The following GIT1 variants were observed in gnomAD, a reference collection of about 807,000 sequenced individuals.
GIT1 encodes GIT ArfGAP 1, also known as ARF GTPase-activating protein GIT1.
GIT1 carries 14 observed loss-of-function variants against 91.7 expected under a neutral mutation model. The ratio of observed to expected loss-of-function variants is 0.15; its 90% CI spans 0.10 to 0.24. The LOEUF is 0.24. GIT1 is among the 10% of genes least tolerant of loss of function. The pLI is 1.00. For synonymous variants in GIT1, 414 were observed against 418.2 expected (o/e 0.99, Z 0.12); for missense variants, 717 against 1,024.9 (o/e 0.70, Z 4.10).
In GIT1 at chr17:29,576,610, T is replaced by C. The variant is rs753036623; in HGVS notation, c.1292A>G (p.Lys431Arg). 1.2e-6 allele frequency: 2 copies of C among 1,613,920 alleles called. No homozygotes were observed. Among genetic ancestry groups the C allele is most frequent in the East Asian group, 4.5e-5 (2 of 44,892 alleles). ...VTLQEYLELK[K>R]ALATSEAKVQ... The stretch of plus-strand genomic sequence containing the variant: ...CTTTGCCTCCGATGTAGCCAGGGCC[T>C]TCTTCAGCTCCAGGTACTCCTGCAG... The change falls in exon 13 of 20, where the codon AAG (lysine) becomes AGG (arginine). Residue 431 changes from lysine (K) to arginine (R), a missense_variant. By Grantham distance (26) the Lys-to-Arg change is conservative. This residue lies in a region of GIT1 where 312 missense variants were observed against 349.5 expected (regional missense o/e 0.89). Transcript: ENST00000225394.
chr17:29,584,392 C>G (rs899258798), intron 1 of GIT1, among the ~76,000 whole-genome samples: 1 of 152,252 alleles, frequency 6.6e-6, no homozygotes, highest in African/African-American at 2.4e-5. Flanking sequence ...TTGCTGCTGT[C>G]CCTCTGCCTC....
chr17:29,576,233 G>A lies in GIT1; in HGVS notation c.1598C>T (p.Pro533Leu), dbSNP rs752228476. ...PGDELTTRLQ[P>L]FHSTELEDDA... ...TAGGTGACTCACAGTGCTGTGGAAAGGCTGCAGCCGCGTAGTGAGCTCGTC... is the reference window on the plus strand; with the variant it reads ...TAGGTGACTCACAGTGCTGTGGAAAAGCTGCAGCCGCGTAGTGAGCTCGTC... Residue 533 changes from proline (P) to leucine (L), a missense_variant, in exon 14 of 20, where the codon CCT (proline) becomes CTT (leucine). Transcript: ENST00000225394. 3 of 1,608,092 alleles carry A rather than the reference G, an allele frequency of 1.9e-6. No individual in the cohort carries two copies. The Admixed American group carries it at 5.0e-5, about 27-fold the overall frequency.
At chr17:29,582,652 G>A (rs2033441530) in intron 4 of GIT1, 46 bp downstream of exon 4, 2 of 1,287,528 alleles carry the variant, frequency 1.6e-6, no homozygotes, top group Non-Finnish European at 2.3e-6. Flanking sequence ...GTCGTGGATG[G>A]GAAGAAGAGG....
In GIT1 at chr17:29,589,201, G is replaced by C. The variant is rs1185194835; in HGVS notation, c.52+126C>G. On this transcript the variant is annotated intron_variant, in intron 1 of 19. Transcript: ENST00000225394. This position sits in a 1 kb window ranked among gnomAD's most constrained non-coding sequence, Gnocchi z 5.2. ...CCGCAGTGGCCGAGGCGGGGGCCCA[G>C]CCTGGAGGCCGCAGCCCCCCGCCCC... 1 of 275,286 alleles carries C rather than the reference G, an allele frequency of 3.6e-6. No homozygotes were observed. Among genetic ancestry groups the C allele is most frequent in the Non-Finnish European group, 5.6e-6 (1 of 179,760 alleles). 17.1% of individuals were successfully genotyped at this position (275,286 alleles called of 1,614,324 possible). A position where few individuals can be genotyped will look rare whatever the true frequency, so the allele number is the denominator to read the frequency against.
rs762446004 is a variant in GIT1 at position 29,576,356 on chromosome 17, G to A, written c.1475C>T (p.Pro492Leu). ...GTGTGTGCTCCCGCCTGGCGCCATG[G>A]GTGTGTGTTCCGCCCGTTCACTGGG... ...PLPSERAEHTPMAPGGSTHRR... is the reference protein window; with the variant it reads ...PLPSERAEHTLMAPGGSTHRR... Residue 492 changes from proline to leucine, a missense_variant, in exon 14 of 20, where the codon CCC (proline) becomes CTC (leucine). Transcript: ENST00000225394. The A allele has an allele frequency of 1.2e-6, 2 of 1,613,442 alleles. No individual in the cohort carries two copies. The highest frequency in any genetic ancestry group is 1.7e-6 in the Non-Finnish European group (2 of 1,179,974).
intron 1 of GIT1, among the ~76,000 whole-genome samples, chr17:29,585,059 C>G (rs1323961616): frequency 1.4e-5 from 2 of 145,292 alleles, no homozygotes; most frequent in Non-Finnish European, 3.0e-5. Flanking sequence ...CCAATCAGGG[C>G]AACAGAGGGA....
intron 1 of GIT1, chr17:29,583,948 C>T (rs1016495986): frequency 5.8e-6 from 2 of 342,366 alleles, no homozygotes; most frequent in Admixed American, 8.8e-5. Flanking sequence ...GAGGTCTCTG[C>T]CCCAGCCCGT....
Position 29,580,513 on chromosome 17 carries a change from T to C in GIT1, c.761+825A>G, listed in dbSNP as rs1598572081. Among the ~76,000 whole-genome samples, 4 of 152,304 alleles carry C rather than the reference T, an allele frequency of 2.6e-5. No homozygotes were observed. In the South Asian group the frequency reaches 6.2e-4, roughly 24 times the overall value. On this transcript the variant is annotated intron_variant, in intron 7 of 19. Coordinates refer to ENST00000225394, the MANE Select transcript of GIT1 (RefSeq NM_014030.4). ...CCAGGTGGCACCAGCATCCATCTTA[T>C]GTGCTGGGTGAGTGGCAGGGGGTGT...
At position 29,581,773 on chromosome 17, in the gene GIT1, C is replaced by T; in HGVS notation, c.687G>A (p.Arg229=). Residue 229 remains arginine (R), a synonymous_variant, in exon 6 of 20, where the codon CGG becomes CGA. Transcript: ENST00000225394. The surrounding 1 kb of genome is among the most constrained non-coding windows in gnomAD (Gnocchi z 4.8). ...TGCGTCCACAGAGGTAGAAGGCCAG[C>T]CGGTCAGTGAGCTCATATTGGCACT... is the stretch of plus-strand genomic sequence containing the variant. The part of the protein sequence containing the change: ...LVECQYELTD[R]LAFYLCGRKP... 6.2e-7 allele frequency: 1 copy of T among 1,611,868 alleles called. No individual in the cohort carries two copies.
In GIT1 at chr17:29,575,523, G is replaced by C; in HGVS notation, c.1827-53C>G. On this transcript the variant is annotated intron_variant, in intron 17 of 19. Coordinates refer to ENST00000225394, the MANE Select transcript of GIT1 (RefSeq NM_014030.4). This position sits in a 1 kb window ranked among gnomAD's most constrained non-coding sequence, Gnocchi z 5.5. ...CAAAGATACATATAGAGAAAGACAC[G>C]TTCCAGCCTCGGAGCCGCCCGCCTT... The C allele has an allele frequency of 2.5e-6, 4 of 1,568,922 alleles. No individual in the cohort carries two copies. The highest frequency in any genetic ancestry group is 2.6e-6 in the Non-Finnish European group (3 of 1,150,336).
chr17:29,582,684 A>T lies in GIT1; in HGVS notation c.405+14T>A. ...GAGGAGGGGGCCACCCATCTGTTGT[A>T]GGGCCCCTCAAACCTTGCTGAGGTC... On this transcript the variant is annotated intron_variant, in intron 4 of 19. Coordinates refer to ENST00000225394, the MANE Select transcript of GIT1 (RefSeq NM_014030.4). 6.5e-7 allele frequency: 1 copy of T among 1,542,910 alleles called. No homozygotes were observed. The highest frequency in any genetic ancestry group is 2.2e-5 in the East Asian group (1 of 44,558).
intron 9 of GIT1, 107 bp downstream of exon 9, chr17:29,578,192 G>T: frequency 2.2e-6 from 2 of 922,422 alleles, no homozygotes; most frequent in Non-Finnish European, 1.8e-6. Context: ...GCAGGCCTCT[G>T]AGCAGCCCCA....
At position 29,582,022 on chromosome 17, in the gene GIT1, C is replaced by G; in HGVS notation, c.528G>C (p.Lys176Asn). 6.2e-7 allele frequency: 1 copy of G among 1,612,548 alleles called. No individual in the cohort carries two copies. Among genetic ancestry groups the G allele is most frequent in the Non-Finnish European group, 8.5e-7 (1 of 1,180,040 alleles). ...KGTTPLHVAAKAGQTLQAELL... is the reference protein window; with the variant it reads ...KGTTPLHVAANAGQTLQAELL... Reference sequence around the variant, plus strand: ...GCTCGGCCTGCAGTGTCTGTCCTGCCTTGGCAGCCACGTGCAGAGGTGTGG... The same window carrying G: ...GCTCGGCCTGCAGTGTCTGTCCTGCGTTGGCAGCCACGTGCAGAGGTGTGG... The change falls in exon 5 of 20, where the codon AAG becomes AAC. Residue 176 changes from lysine to asparagine, a missense_variant. Physicochemically the swap from Lys to Asn is moderately conservative, Grantham distance 94. Transcript: ENST00000225394.
chr17:29,580,705 T>G (rs985879607), intron 7 of GIT1, among the ~76,000 whole-genome samples: 1 of 151,674 alleles, frequency 6.6e-6, no homozygotes, highest in African/African-American at 2.4e-5. Flanking sequence ...CTAAAGACAG[T>G]GGGGTCGGTG....
chr17:29,574,671 T>TA lies in GIT1; in HGVS notation c.*30dup. 6.5e-7 allele frequency: 1 copy of TA among 1,546,838 alleles called. No individual in the cohort carries two copies. The highest frequency in any genetic ancestry group is 8.9e-7 in the Non-Finnish European group (1 of 1,120,762). On this transcript the variant is annotated 3_prime_UTR_variant, in exon 20 of 20. Transcript: ENST00000225394. ...CCAGCTCCTATGGCCAGTGAGGTCC[T>TA]AGGGTGCAGGTGAGGGTGTGGGGAG...
intron 7 of GIT1, 101 bp from the exon 8 acceptor site, chr17:29,578,880 A>G: frequency 6.4e-7 from 1 of 1,557,866 alleles, no homozygotes; most frequent in Middle Eastern, 1.7e-4. Flanking sequence ...TCCCGGGGAG[A>G]TGGCACCCCA....
intron 1 of GIT1, among the ~76,000 whole-genome samples, chr17:29,588,951 A>G (rs1167865353): frequency 6.6e-6 from 1 of 150,808 alleles, no homozygotes; most frequent in Admixed American, 6.6e-5. Flanking sequence ...ATAAAACCAC[A>G]CTCGCCCCCA....
intron 1 of GIT1, among the ~76,000 whole-genome samples, chr17:29,587,522 A>G (rs569607711): frequency 6.6e-6 from 1 of 152,286 alleles, no homozygotes; most frequent in South Asian, 2.1e-4. Context: ...AATCCAACAC[A>G]TCTGATGCCC....
chr17:29,587,640 C>A (rs2033631532), intron 1 of GIT1, among the ~76,000 whole-genome samples: 1 of 152,208 alleles, frequency 6.6e-6, no homozygotes, highest in Non-Finnish European at 1.5e-5. Context: ...CCCTCCACCC[C>A]AGAATCAGAC....
Sources: gnomAD v4.1 joint callset for allele counts (sites outside exome capture counted in the v4.1 genomes callset) on GRCh38, gnomAD v4.1.1 for gene constraint, gnomAD v4.1.1 regional missense constraint, Gnocchi (gnomAD v3.1) non-coding constraint, MANE v1.5 for transcripts, NCBI Gene and HGNC (gene_info 2026-07-23, HGNC 2026-07-21) for gene names.